RYR2: variants seen among roughly 807,000 people sequenced by gnomAD.
The protein encoded by RYR2 is cardiac muscle ryanodine receptor-calcium release channel.
RYR2 carries 227 observed loss-of-function variants against 601.1 expected under a neutral mutation model. The ratio of observed to expected loss-of-function variants is 0.38; its 90% CI spans 0.34 to 0.42. The LOEUF (loss-of-function observed/expected upper bound fraction) is 0.42, where lower values mean the gene tolerates loss of function less well. Among genes scored for constraint, RYR2 ranks in the 10% least tolerant of loss-of-function variants. The probability of loss-of-function intolerance (pLI) is 1.00; values close to 1 mark genes in which losing one functional copy is unlikely to be tolerated. For missense variants in RYR2, 4,646 were observed against 6,156.5 expected, an observed-to-expected ratio of 0.75 and a Z score of 8.21; for synonymous variants, 2,223 against 2,175.1, an observed-to-expected ratio of 1.02 and a Z score of -0.61.
chr1:237,155,472 C>T (rs536417488), intron 1 of RYR2, among the ~76,000 whole-genome samples: 16 of 151,912 alleles, frequency 1.1e-4, no homozygotes, highest in African/African-American at 2.7e-4. Flanking sequence ...CGAATAGTGG[C>T]GTATTTAAGA....
chr1:237,796,713 T>C (rs1306623133), intron 96 of RYR2, among the ~76,000 whole-genome samples: 1 of 152,084 alleles, frequency 6.6e-6, no homozygotes, highest in African/African-American at 2.4e-5. Flanking sequence ...TTCTCCTGTA[T>C]AGTGGACTCC....
intron 27 of RYR2, among the ~76,000 whole-genome samples, chr1:237,559,164 C>A (rs1671204130): frequency 6.6e-6 from 1 of 151,702 alleles, no homozygotes; most frequent in African/African-American, 2.4e-5. Flanking sequence ...TTATGCAAAT[C>A]AAATTTTTCA....
At chr1:237,321,943 A>G (rs907307993) in intron 2 of RYR2, among the ~76,000 whole-genome samples, 35 of 152,178 alleles carry the variant, frequency 2.3e-4, no homozygotes, top group African/African-American at 8.4e-4. Flanking sequence ...AGTACCTATA[A>G]GGAAGTGGAC....
intron 41 of RYR2, among the ~76,000 whole-genome samples, chr1:237,629,466 C>A (rs1321563664): frequency 3.3e-5 from 5 of 151,444 alleles, no homozygotes; most frequent in Non-Finnish European, 5.9e-5. Context: ...TCATTAAGAA[C>A]AATACCTAAA....
chr1:237,810,020 G>C (rs1374564845), intron 100 of RYR2, among the ~76,000 whole-genome samples: 3 of 151,982 alleles, frequency 2.0e-5, no homozygotes, highest in Admixed American at 1.3e-4. Flanking sequence ...AATAAATTCT[G>C]AAATGAGCAT....
At chr1:237,156,322 A>G (rs1005798174) in intron 1 of RYR2, among the ~76,000 whole-genome samples, 17 of 152,220 alleles carry the variant, frequency 1.1e-4, no homozygotes, top group Non-Finnish European at 2.5e-4. Context: ...TGTTATGTAC[A>G]TTTTACCACA....
chr1:237,452,556 A>G (rs1326729653), intron 14 of RYR2, among the ~76,000 whole-genome samples: 1 of 146,854 alleles, frequency 6.8e-6, no homozygotes. Context: ...CATATATCAT[A>G]TATTTTATAT....
intron 10 of RYR2, among the ~76,000 whole-genome samples, chr1:237,396,829 T>G (rs567632350): frequency 6.6e-6 from 1 of 152,168 alleles, no homozygotes; most frequent in Non-Finnish European, 1.5e-5. Context: ...ATATCAAATC[T>G]AATTCCAAAT....
chr1:237,597,605 AATGT>A (rs1353522124), intron 34 of RYR2, among the ~76,000 whole-genome samples: 8 of 151,956 alleles, frequency 5.3e-5, no homozygotes, highest in Admixed American at 5.3e-4. Context: ...TATGCAACCA[AATGT>A]ATCAGCTTAA....
At chr1:237,706,172 T>C (rs1432196566) in intron 67 of RYR2, among the ~76,000 whole-genome samples, 1 of 152,024 alleles carries the variant, frequency 6.6e-6, no homozygotes, top group East Asian at 1.9e-4. Flanking sequence ...TCGCTTGAAC[T>C]GGGGAGGCAG....
At position 237,500,915 on chromosome 1, in the gene RYR2, T is replaced by C; in HGVS notation, c.2396+12T>C. 1.2e-6 allele frequency: 2 copies of C among 1,612,942 alleles called. No homozygotes were observed. Among genetic ancestry groups the C allele is most frequent in the Non-Finnish European group, 1.7e-6 (2 of 1,178,920 alleles). ...TCTGCAGGAATAAAGTTAGTATGTC[T>C]ATGTTTTTTGGTCTCTTTCCTTTCT... On this transcript the variant is annotated intron_variant, in intron 21 of 104. Coordinates refer to ENST00000366574, the MANE Select transcript of RYR2 (RefSeq NM_001035.3).
intron 88 of RYR2, among the ~76,000 whole-genome samples, chr1:237,780,502 C>T (rs976051919): frequency 6.6e-6 from 1 of 151,986 alleles, no homozygotes; most frequent in Admixed American, 6.6e-5. Context: ...ACCAAAAATG[C>T]CTTGTACAAA....
At chr1:237,345,481 TAA>T (rs898741264) in intron 3 of RYR2, among the ~76,000 whole-genome samples, 69 of 144,938 alleles carry the variant, frequency 4.8e-4, no homozygotes, top group African/African-American at 1.8e-3. Context: ...AAATAAAAAA[TAA>T]AAAAAAATAT....
At chr1:237,347,097 G>T (rs554991358) in intron 3 of RYR2, among the ~76,000 whole-genome samples, 12 of 152,076 alleles carry the variant, frequency 7.9e-5, no homozygotes, top group Non-Finnish European at 1.6e-4. Context: ...GAGGCAGGAG[G>T]ATTGCTTGAA....
intron 80 of RYR2, among the ~76,000 whole-genome samples, chr1:237,747,512 A>T (rs985111958): frequency 4.6e-5 from 7 of 152,222 alleles, no homozygotes; most frequent in Non-Finnish European, 7.3e-5. Flanking sequence ...GAACCAATTT[A>T]GGTCCAAAAT....
chr1:237,743,677 G>T (rs1691811629), intron 80 of RYR2: 2 of 509,372 alleles, frequency 3.9e-6, no homozygotes, highest in Non-Finnish European at 7.8e-6. Context: ...GGTTTCTTGT[G>T]ACATTTACCT....
At chr1:237,137,585 C>G (rs1353083205) in intron 1 of RYR2, among the ~76,000 whole-genome samples, 1 of 152,102 alleles carries the variant, frequency 6.6e-6, no homozygotes, top group Non-Finnish European at 1.5e-5. Context: ...GAAGGGGAGT[C>G]CCCTAGAAGA....
chr1:237,069,211 T>C (rs1462530987), intron 1 of RYR2, among the ~76,000 whole-genome samples: 1 of 152,160 alleles, frequency 6.6e-6, no homozygotes, highest in Non-Finnish European at 1.5e-5. Flanking sequence ...TGTTTACTGA[T>C]AAACTGGCTG....
At position 237,374,792 on chromosome 1, in the gene RYR2, A is replaced by G. The variant is rs1700895496; in HGVS notation, c.460A>G (p.Thr154Ala). The G allele has an allele frequency of 6.2e-7, 1 of 1,611,058 alleles. No individual in the cohort carries two copies. Among genetic ancestry groups the G allele is most frequent in the Non-Finnish European group, 8.5e-7 (1 of 1,178,456 alleles). ...TGATGTTGGCTTGCAAGAGGACACC[A>G]CAGGTAAGCATCTTGTGCTGCGGGA... Reference protein sequence around the residue: ...AFDVGLQEDTTGEACWWTIHP... With the variant: ...AFDVGLQEDTAGEACWWTIHP... Residue 154 changes from threonine to alanine, a missense_variant, in exon 7 of 105, where the codon ACA becomes GCA. Physicochemically the swap from Thr to Ala is moderately conservative, Grantham distance 58. Transcript: ENST00000366574.
Sources: gnomAD v4.1 joint callset for allele counts (sites outside exome capture counted in the v4.1 genomes callset) on GRCh38, gnomAD v4.1.1 for gene constraint, MANE v1.5 for transcripts, NCBI Gene and HGNC (gene_info 2026-07-23, HGNC 2026-07-21) for gene names.